Variants in XRCC4 observed in about 807,000 individuals in gnomAD.
The protein encoded by XRCC4 is X-ray repair cross complementing 4.
A neutral mutation model predicts 39.1 loss-of-function variants in XRCC4; 28 were observed. That is an observed-to-expected ratio of 0.72 (90% CI 0.53 to 0.98). The LOEUF (loss-of-function observed/expected upper bound fraction) is 0.98, where lower values mean the gene tolerates loss of function less well. XRCC4 is among the 50% of genes least tolerant of loss of function. The pLI is 0.00. For synonymous variants in XRCC4, 123 were observed against 126.4 expected (o/e 0.97, Z 0.18); for missense variants, 350 against 376.4 (o/e 0.93, Z 0.58).
At chr5:83,152,320 A>T (rs1429292090) in intron 3 of XRCC4, among the ~76,000 whole-genome samples, 1 of 152,212 alleles carries the variant, frequency 6.6e-6, no homozygotes, top group Non-Finnish European at 1.5e-5. Flanking sequence ...ATATTTAATG[A>T]TATATGTAGG....
At chr5:83,150,919 C>T (rs1212110412) in intron 3 of XRCC4, among the ~76,000 whole-genome samples, 1 of 151,960 alleles carries the variant, frequency 6.6e-6, no homozygotes, top group Non-Finnish European at 1.5e-5. Flanking sequence ...GAAAAATAGC[C>T]TATGAGGGTT....
intron 7 of XRCC4, among the ~76,000 whole-genome samples, chr5:83,328,106 C>G (rs1270445688): frequency 1.3e-5 from 2 of 152,028 alleles, no homozygotes; most frequent in Non-Finnish European, 2.9e-5. Flanking sequence ...GCAAAAGGCA[C>G]TTCTTACATG....
chr5:83,144,913 T>G (rs1748377971), intron 3 of XRCC4, among the ~76,000 whole-genome samples: 1 of 152,184 alleles, frequency 6.6e-6, no homozygotes, highest in Non-Finnish European at 1.5e-5. Context: ...TATTATTATT[T>G]GAGACGGAGT....
At chr5:83,364,203 GGCAGAAATA>G in the XRCC4 span, among the ~76,000 whole-genome samples, 3 of 152,066 alleles carry the variant, frequency 2.0e-5, no homozygotes, top group Non-Finnish European at 4.4e-5. Flanking sequence ...AGAACAAAGT[GGCAGAAATA>G]GCACTTTTTA....
intron 7 of XRCC4, among the ~76,000 whole-genome samples, chr5:83,287,986 G>T (rs1754792583): frequency 6.6e-6 from 1 of 151,708 alleles, no homozygotes; most frequent in Non-Finnish European, 1.5e-5. Context: ...TAGCTGACTT[G>T]TATTTTAATT....
Position 83,130,578 on chromosome 5 carries a change from A to G in XRCC4, c.315+19375A>G, listed in dbSNP as rs530671890. 9.9e-5 allele frequency among the ~76,000 whole-genome samples: 15 copies of G among 152,218 alleles called. No homozygotes were observed. In the South Asian group the frequency reaches 2.9e-3, roughly 29 times the overall value. ...CCTCTTTGTACCTCTGGTAGAATTC[A>G]GCTGTGAATCCATCTGGTCCTGGAC... On this transcript the variant is annotated intron_variant, in intron 3 of 7. Coordinates refer to ENST00000396027, the MANE Select transcript of XRCC4 (RefSeq NM_003401.5).
chr5:83,285,661 G>A (rs563145701), intron 7 of XRCC4, among the ~76,000 whole-genome samples: 4 of 152,252 alleles, frequency 2.6e-5, no homozygotes, highest in African/African-American at 9.6e-5. Flanking sequence ...AAGATAAACT[G>A]GCCATGGTGC....
At chr5:83,167,572 T>G (rs984715354) in intron 3 of XRCC4, among the ~76,000 whole-genome samples, 1 of 152,162 alleles carries the variant, frequency 6.6e-6, no homozygotes, top group African/African-American at 2.4e-5. Flanking sequence ...TCTATGGACT[T>G]GGGCTTGGGT....
intron 1 of XRCC4, among the ~76,000 whole-genome samples, chr5:83,089,089 C>G (rs945276123): frequency 9.2e-5 from 14 of 152,216 alleles, no homozygotes; most frequent in African/African-American, 3.1e-4. Context: ...TTGCAGGTAA[C>G]TAAGTGCTAT....
chr5:83,240,925 G>A (rs550105244), intron 6 of XRCC4, among the ~76,000 whole-genome samples: 1 of 152,244 alleles, frequency 6.6e-6, no homozygotes, highest in Admixed American at 6.5e-5. Flanking sequence ...CTTTGTAAAA[G>A]TGATTCATTC....
At chr5:83,254,448 A>G (rs1753450838) in intron 6 of XRCC4, among the ~76,000 whole-genome samples, 1 of 152,160 alleles carries the variant, frequency 6.6e-6, no homozygotes, top group African/African-American at 2.4e-5. Flanking sequence ...GTTCTCTCTC[A>G]TATCTAAAAT....
intron 7 of XRCC4, among the ~76,000 whole-genome samples, chr5:83,323,497 T>G (rs1430574882): frequency 6.6e-6 from 1 of 152,058 alleles, no homozygotes; most frequent in East Asian, 1.9e-4. Context: ...GGAGAGAAAT[T>G]ATTTATTCTA....
At chr5:83,360,500 T>A in the XRCC4 span, among the ~76,000 whole-genome samples, 1 of 152,178 alleles carries the variant, frequency 6.6e-6, no homozygotes, top group Non-Finnish European at 1.5e-5. Flanking sequence ...TCATGAATAT[T>A]TGCTCTTTAA....
At chr5:83,266,090 G>A (rs1753943904) in intron 7 of XRCC4, among the ~76,000 whole-genome samples, 1 of 151,776 alleles carries the variant, frequency 6.6e-6, no homozygotes, top group South Asian at 2.1e-4. Flanking sequence ...TCTAAATTTG[G>A]CTTGATAATA....
At chr5:83,097,119 C>T (rs1745713593) in intron 1 of XRCC4, among the ~76,000 whole-genome samples, 1 of 152,066 alleles carries the variant, frequency 6.6e-6, no homozygotes, top group South Asian at 2.1e-4. Context: ...AAAATGTATT[C>T]AGAGATGTGG....
At chr5:83,098,345 C>G (rs976071999) in intron 1 of XRCC4, among the ~76,000 whole-genome samples, 1 of 152,062 alleles carries the variant, frequency 6.6e-6, no homozygotes, top group Non-Finnish European at 1.5e-5. Context: ...CTGTATTTTA[C>G]TACCTTATGG....
At chr5:83,119,588 T>C (rs1283329808) in intron 3 of XRCC4, among the ~76,000 whole-genome samples, 1 of 130,972 alleles carries the variant, frequency 7.6e-6, no homozygotes, top group Non-Finnish European at 1.8e-5. Context: ...TTTCTGCCTT[T>C]ATTTAAAATG....
intron 1 of XRCC4, among the ~76,000 whole-genome samples, chr5:83,082,740 T>TTC (rs1554052331): frequency 6.6e-6 from 1 of 151,842 alleles, no homozygotes; most frequent in African/African-American, 2.4e-5. Context: ...TTTTTTTTTT[T>TTC]TGAGCCCTTT....
At chr5:83,258,187 TA>T (rs201678712) in intron 6 of XRCC4, among the ~76,000 whole-genome samples, 43 of 151,350 alleles carry the variant, frequency 2.8e-4, no homozygotes, top group African/African-American at 8.5e-4. Flanking sequence ...TAAAAGATAA[TA>T]AAAAAAAACT....
Sources: gnomAD v4.1 joint callset for allele counts (sites outside exome capture counted in the v4.1 genomes callset) on GRCh38, gnomAD v4.1.1 for gene constraint, MANE v1.5 for transcripts, NCBI Gene and HGNC (gene_info 2026-07-23, HGNC 2026-07-21) for gene names.